The following RLF variants were observed in gnomAD, a reference collection of about 807,000 sequenced individuals.
RLF encodes RLF zinc finger, also known as zinc finger protein Rlf.
RLF carries 7 observed loss-of-function variants against 162.9 expected under a neutral mutation model. That is an observed-to-expected ratio of 0.04 (90% CI 0.02 to 0.08). The LOEUF (loss-of-function observed/expected upper bound fraction) is 0.08, where lower values mean the gene tolerates loss of function less well. RLF is among the 10% of genes least tolerant of loss of function. The pLI is 1.00. For missense variants in RLF, 1,664 were observed against 2,244.7 expected, an observed-to-expected ratio of 0.74 and a Z score of 5.23; for synonymous variants, 782 against 791.5, an observed-to-expected ratio of 0.99 and a Z score of 0.20.
intron 1 of RLF, among the ~76,000 whole-genome samples, chr1:40,179,251 G>A (rs1426373520): frequency 6.6e-6 from 1 of 152,158 alleles, no homozygotes; most frequent in Non-Finnish European, 1.5e-5. Flanking sequence ...TAATTGATGG[G>A]GCAGAGATTT....
intron 1 of RLF, among the ~76,000 whole-genome samples, chr1:40,176,441 C>T (rs1324161112): frequency 6.6e-6 from 1 of 152,082 alleles, no homozygotes; most frequent in African/African-American, 2.4e-5. Context: ...TTTGCATTTC[C>T]CTAATGGCTT....
At position 40,161,766 on chromosome 1, in the gene RLF, G is replaced by C. The variant is rs532244759; in HGVS notation, c.237+130G>C. 295 of 1,326,590 alleles carry C rather than the reference G, an allele frequency of 2.2e-4. 2 individuals carry two copies. The East Asian group carries it at 7.7e-3, about 35-fold the overall frequency. The allele number at this position is 1,326,590 out of a possible 1,614,324, so 82.2% of individuals were successfully genotyped here. A position where few individuals can be genotyped will look rare whatever the true frequency, so the allele number is the denominator to read the frequency against. ...CCGTGACTCGCCGCGCCCCCGGGCCGGGAAGGCCCAGCTCGGAAGCTCGAC... is the reference window on the plus strand; with the variant it reads ...CCGTGACTCGCCGCGCCCCCGGGCCCGGAAGGCCCAGCTCGGAAGCTCGAC... On this transcript the variant is annotated intron_variant, in intron 1 of 7. Coordinates refer to ENST00000372771, the MANE Select transcript of RLF (RefSeq NM_012421.4). This position sits in a 1 kb window ranked among gnomAD's most constrained non-coding sequence, Gnocchi z 4.4.
At chr1:40,217,307 AAAT>A (rs1392605426) in intron 5 of RLF, among the ~76,000 whole-genome samples, 1 of 152,104 alleles carries the variant, frequency 6.6e-6, no homozygotes, top group Non-Finnish European at 1.5e-5. Context: ...CTCTACAAAA[AAAT>A]AATAAAATAA....
chr1:40,239,080 A>G lies in RLF; in HGVS notation c.4378A>G (p.Asn1460Asp), dbSNP rs1022916837. ...GCGQIFTHRS[N>D]YSQHVYYRHK... Reference sequence around the variant, plus strand: ...TGGCCAGATTTTCACCCATCGCAGTAATTACTCACAACATGTATATTACCG... The same window carrying G: ...TGGCCAGATTTTCACCCATCGCAGTGATTACTCACAACATGTATATTACCG... The change falls in exon 8 of 8, where the codon AAT (asparagine) becomes GAT (aspartate). Residue 1460 changes from asparagine (N) to aspartate (D), a missense_variant. Coordinates refer to ENST00000372771, the MANE Select transcript of RLF (RefSeq NM_012421.4). 12 of 1,614,192 alleles carry G rather than the reference A, an allele frequency of 7.4e-6. No individual in the cohort carries two copies. The highest frequency in any genetic ancestry group is 1.7e-5 in the Admixed American group (1 of 60,034).
intron 4 of RLF, among the ~76,000 whole-genome samples, chr1:40,196,262 C>T (rs1209315904): frequency 1.3e-5 from 2 of 151,564 alleles, no homozygotes; most frequent in African/African-American, 2.4e-5. Flanking sequence ...TTAGTAGAGA[C>T]GAGGCGTTAC....
intron 5 of RLF, among the ~76,000 whole-genome samples, chr1:40,217,689 A>G (rs530990510): frequency 6.6e-6 from 1 of 151,918 alleles, no homozygotes; most frequent in South Asian, 2.1e-4. Context: ...GGAGAATTGC[A>G]TGAACCCGGG....
At chr1:40,181,237 C>A (rs953342262) in intron 1 of RLF, among the ~76,000 whole-genome samples, 1 of 152,090 alleles carries the variant, frequency 6.6e-6, no homozygotes, top group African/African-American at 2.4e-5. Flanking sequence ...TGAGACCAGC[C>A]TGGCCAATAT....
chr1:40,186,666 T>A (rs1429649330), intron 1 of RLF, among the ~76,000 whole-genome samples: 3 of 152,228 alleles, frequency 2.0e-5, no homozygotes, highest in Non-Finnish European at 2.9e-5. Flanking sequence ...CATCATGTTG[T>A]ATTGACTCAT....
At chr1:40,169,898 T>C (rs12064425) in intron 1 of RLF, among the ~76,000 whole-genome samples, 48,902 of 151,658 alleles carry the variant, frequency 0.32, 9,184 homozygotes, top group African/African-American at 0.52. Flanking sequence ...TCATGTTGGC[T>C]AGGCTGGTCT....
intron 6 of RLF, 52 bp from the exon 7 acceptor site, chr1:40,231,465 C>A: frequency 1.3e-6 from 2 of 1,557,144 alleles, no homozygotes; most frequent in Non-Finnish European, 1.7e-6. Flanking sequence ...GGGGGCAGGG[C>A]AGCAAATACC....
At chr1:40,224,553 C>T (rs969164255) in intron 6 of RLF, among the ~76,000 whole-genome samples, 10 of 126,756 alleles carry the variant, frequency 7.9e-5, no homozygotes, top group Non-Finnish European at 6.3e-5. Context: ...GGGTTACAGA[C>T]GTGAGCCACT....
Position 40,231,571 on chromosome 1 carries a change from T to A in RLF, c.1002T>A (p.Asp334Glu). The A allele has an allele frequency of 1.9e-6, 3 of 1,614,094 alleles. No homozygotes were observed. Among genetic ancestry groups the A allele is most frequent in the Non-Finnish European group, 2.5e-6 (3 of 1,179,930 alleles). ...KLQRRIDPSLDTFLERCRQFG... is the reference protein window; with the variant it reads ...KLQRRIDPSLETFLERCRQFG... ...AAAGAAGAATTGACCCTTCTTTAGA[T>A]ACTTTTTTGGAGCGCTGTCGTCAGT... Residue 334 changes from aspartate to glutamate, a missense_variant, in exon 7 of 8, where the codon GAT (aspartate) becomes GAA (glutamate). Transcript: ENST00000372771.
At chr1:40,202,694 C>T in intron 5 of RLF, 80 bp downstream of exon 5, 1 of 875,334 alleles carries the variant, frequency 1.1e-6, no homozygotes, top group East Asian at 3.3e-5. Context: ...TATTTTTTCC[C>T]TTTAGAATGA....
At chr1:40,226,646 T>A (rs1453486400) in intron 6 of RLF, among the ~76,000 whole-genome samples, 1 of 151,974 alleles carries the variant, frequency 6.6e-6, no homozygotes, top group East Asian at 1.9e-4. Context: ...AGAAAAGAGG[T>A]CATGGGGGTC....
chr1:40,172,112 C>A (rs1166461920), intron 1 of RLF, among the ~76,000 whole-genome samples: 1 of 152,074 alleles, frequency 6.6e-6, no homozygotes, highest in African/African-American at 2.4e-5. Flanking sequence ...ATTTTAAATT[C>A]TACAGGTAGC....
chr1:40,205,220 G>A (rs1011810827), intron 5 of RLF, among the ~76,000 whole-genome samples: 5 of 152,096 alleles, frequency 3.3e-5, no homozygotes, highest in African/African-American at 1.2e-4. Flanking sequence ...TAGGGAGGCC[G>A]AGGCACAAGA....
chr1:40,186,616 TTTAG>T (rs1248457336), intron 1 of RLF, among the ~76,000 whole-genome samples: 1 of 152,200 alleles, frequency 6.6e-6, no homozygotes, highest in Non-Finnish European at 1.5e-5. Flanking sequence ...CTTTGCATAC[TTTAG>T]TTAGCAGTTG....
At chr1:40,227,745 C>T (rs1436372703) in intron 6 of RLF, among the ~76,000 whole-genome samples, 1 of 152,118 alleles carries the variant, frequency 6.6e-6, no homozygotes, top group Non-Finnish European at 1.5e-5. Context: ...TGGTTTACAC[C>T]TGTAATCCCA....
chr1:40,224,404 G>A (rs1327846780), intron 6 of RLF, among the ~76,000 whole-genome samples: 1 of 148,706 alleles, frequency 6.7e-6, no homozygotes, highest in Non-Finnish European at 1.5e-5. Context: ...CGCCTCCCGA[G>A]TAGCTGGGAT....
Sources: allele counts gnomAD v4.1 joint callset (sites outside exome capture counted in the v4.1 genomes callset), GRCh38; gene constraint gnomAD v4.1.1; non-coding constraint Gnocchi (gnomAD v3.1); transcripts MANE v1.5; gene names NCBI Gene and HGNC (gene_info 2026-07-23, HGNC 2026-07-21).